The following CCDC170 variants were observed in gnomAD, a reference collection of about 807,000 sequenced individuals.
CCDC170 encodes coiled-coil domain containing 170, also known as coiled-coil domain-containing protein 170.
In CCDC170, 69 loss-of-function variants were observed where a neutral mutation model predicts 72.6. The ratio of observed to expected loss-of-function variants is 0.95; its 90% CI spans 0.78 to 1.16. The LOEUF is 1.16. Ranked by LOEUF, CCDC170 falls within the 50% of genes most tolerant of loss-of-function variation. The pLI, the probability that CCDC170 is intolerant of heterozygous loss-of-function variation, is 0.00. For missense variants in CCDC170, 852 were observed against 832.5 expected, an observed-to-expected ratio of 1.02 and a Z score of -0.29; for synonymous variants, 300 against 303.9, an observed-to-expected ratio of 0.99 and a Z score of 0.13.
chr6:151,567,433 T>C (rs898214964), intron 5 of CCDC170, among the ~76,000 whole-genome samples: 7 of 152,140 alleles, frequency 4.6e-5, no homozygotes, highest in Non-Finnish European at 7.3e-5. Flanking sequence ...GGTTTCACCA[T>C]GTTGCCCAGG....
intron 5 of CCDC170, among the ~76,000 whole-genome samples, chr6:151,561,795 TC>T (rs1199326291): frequency 6.6e-6 from 1 of 152,136 alleles, no homozygotes; most frequent in Non-Finnish European, 1.5e-5. Context: ...AATTTTTCCC[TC>T]AAATCTGTTT....
chr6:151,568,105 GAAAAAAAAAAA>G (rs771627857), intron 5 of CCDC170, among the ~76,000 whole-genome samples: 1 of 38,266 alleles, frequency 2.6e-5, no homozygotes, highest in African/African-American at 8.6e-5. Context: ...GTGAGACTCT[GAAAAAAAAAAA>G]AAAAAAAAAA....
intron 1 of CCDC170, among the ~76,000 whole-genome samples, chr6:151,531,526 C>T (rs1782490023): frequency 6.6e-6 from 1 of 152,102 alleles, no homozygotes; most frequent in Admixed American, 6.5e-5. Context: ...ATCAACTGAA[C>T]CCAGGATGTC....
intron 3 of CCDC170, 70 bp downstream of exon 3, chr6:151,538,371 T>A: frequency 7.1e-7 from 1 of 1,415,390 alleles, no homozygotes; most frequent in South Asian, 1.3e-5. Context: ...GCAAGATATG[T>A]CTTTGAAAGT....
chr6:151,554,190 T>C (rs1021230639), intron 5 of CCDC170, among the ~76,000 whole-genome samples: 8 of 152,218 alleles, frequency 5.3e-5, no homozygotes, highest in Non-Finnish European at 1.0e-4. Context: ...TGAAATAACC[T>C]ACTGAGGAAT....
In CCDC170 at chr6:151,526,444, T is replaced by C. The variant is rs146420958; in HGVS notation, c.58-9874T>C. On this transcript the variant is annotated intron_variant, in intron 1 of 10. Transcript: ENST00000239374. ...ACCATGTTGGCCAGGATGGTCTCAA[T>C]CTCTTGACCTAGTGATCCGCTTGCC... Among the ~76,000 whole-genome samples the C allele has an allele frequency of 2.6e-3, 393 of 151,860 alleles. 4 individuals are homozygous for C. The highest frequency in any genetic ancestry group is 9.0e-3 in the African/African-American group (372 of 41,398).
At chr6:151,504,834 G>A (rs1315759515) in intron 1 of CCDC170, among the ~76,000 whole-genome samples, 4 of 151,672 alleles carry the variant, frequency 2.6e-5, no homozygotes, top group Admixed American at 6.6e-5. Context: ...GAAGTAAACC[G>A]GTGAGAATGT....
rs150214253 is a variant in CCDC170, at chr6:151,513,744, C to A, written c.57+19559C>A. Reference sequence around the variant, plus strand: ...ACCAGCCTGGCCAAGATGATGAAAACCCCGTCTCTACTAAAAATACAAAAA... The same window carrying A: ...ACCAGCCTGGCCAAGATGATGAAAAACCCGTCTCTACTAAAAATACAAAAA... On this transcript the variant is annotated intron_variant, in intron 1 of 10. Transcript: ENST00000239374. 2.7e-4 allele frequency among the ~76,000 whole-genome samples: 40 copies of A among 150,218 alleles called. 1 individual carries two copies. In the East Asian group the frequency reaches 7.8e-3, roughly 29 times the overall value.
chr6:151,510,960 T>C (rs926494546), intron 1 of CCDC170, among the ~76,000 whole-genome samples: 1 of 152,138 alleles, frequency 6.6e-6, no homozygotes. Flanking sequence ...GGTCTCGAAC[T>C]CCAGACCTCA....
chr6:151,503,043 G>A (rs1782014356), intron 1 of CCDC170, among the ~76,000 whole-genome samples: 1 of 152,084 alleles, frequency 6.6e-6, no homozygotes, highest in African/African-American at 2.4e-5. Context: ...TGGACATGGT[G>A]GTGCGCACCT....
chr6:151,512,170 T>G (rs1005978335), intron 1 of CCDC170, among the ~76,000 whole-genome samples: 4 of 149,906 alleles, frequency 2.7e-5, no homozygotes, highest in African/African-American at 7.4e-5. Flanking sequence ...TTGTTTTTTT[T>G]TTTTTTTGAG....
intron 1 of CCDC170, among the ~76,000 whole-genome samples, chr6:151,513,968 G>C (rs976121547): frequency 1.4e-4 from 21 of 145,850 alleles, no homozygotes; most frequent in Non-Finnish European, 2.9e-4. Context: ...AAATACAATA[G>C]AGTTATCTCT....
At chr6:151,578,604 G>A (rs1314250410) in intron 6 of CCDC170, among the ~76,000 whole-genome samples, 2 of 152,118 alleles carry the variant, frequency 1.3e-5, no homozygotes, top group Admixed American at 6.5e-5. Flanking sequence ...TGAGGTACTG[G>A]GGGGCTTCAA....
intron 5 of CCDC170, among the ~76,000 whole-genome samples, chr6:151,562,215 T>C (rs1776045203): frequency 1.3e-5 from 2 of 152,206 alleles, no homozygotes; most frequent in Admixed American, 1.3e-4. Context: ...TTATCTGTCA[T>C]TTCAGATATT....
At chr6:151,521,251 A>G (rs1018113017) in intron 1 of CCDC170, among the ~76,000 whole-genome samples, 4 of 152,118 alleles carry the variant, frequency 2.6e-5, no homozygotes, top group Admixed American at 6.6e-5. Flanking sequence ...AAAGGATGGG[A>G]TCCTAAACTG....
intron 5 of CCDC170, among the ~76,000 whole-genome samples, chr6:151,550,644 G>T (rs546844032): frequency 6.6e-6 from 1 of 152,270 alleles, no homozygotes; most frequent in South Asian, 2.1e-4. Flanking sequence ...AGACTGGGTG[G>T]TTTAAACAAC....
At chr6:151,494,636 G>A (rs1050952285) in intron 1 of CCDC170, among the ~76,000 whole-genome samples, 1 of 152,196 alleles carries the variant, frequency 6.6e-6, no homozygotes, top group Non-Finnish European at 1.5e-5. Flanking sequence ...CAGAAACGTT[G>A]GTAATTCAGT....
rs540967400 is a variant in CCDC170, at chr6:151,601,533, G to T, written c.1710+4956G>T. Among the ~76,000 whole-genome samples the T allele has an allele frequency of 8.5e-5, 13 of 152,100 alleles. No individual in the cohort carries two copies. In the South Asian group the frequency reaches 2.7e-3, roughly 32 times the overall value. On this transcript the variant is annotated intron_variant, in intron 9 of 10. Transcript: ENST00000239374. The stretch of plus-strand genomic sequence containing the variant: ...AAAAACAGTGCGTGTGTGTGTGTGT[G>T]TATGTGTGTTTGTGTGTGTATACAG...
chr6:151,577,692 C>T (rs1375794722), intron 6 of CCDC170, among the ~76,000 whole-genome samples: 1 of 152,182 alleles, frequency 6.6e-6, no homozygotes, highest in African/African-American at 2.4e-5. Flanking sequence ...CGCACCAGTG[C>T]CTGGCCTAGT....
Sources: allele counts gnomAD v4.1 joint callset (sites outside exome capture counted in the v4.1 genomes callset), GRCh38; gene constraint gnomAD v4.1.1; transcripts MANE v1.5; gene names NCBI Gene and HGNC (gene_info 2026-07-23, HGNC 2026-07-21).